The following AGBL1 variants were observed in gnomAD, a reference collection of about 807,000 sequenced individuals.
AGBL1 encodes cytosolic carboxypeptidase 4.
A neutral mutation model predicts 118.9 loss-of-function variants in AGBL1; 130 were observed. The observed-to-expected ratio is 1.09, with a 90% CI of 0.95 to 1.26. The LOEUF (loss-of-function observed/expected upper bound fraction) is 1.26, where lower values mean the gene tolerates loss of function less well. AGBL1 is among the 50% of genes most tolerant of loss of function. The pLI is 0.00. For missense variants in AGBL1, 1,584 were observed against 1,298.1 expected, an observed-to-expected ratio of 1.22 and a Z score of -3.38; for synonymous variants, 555 against 478.9, an observed-to-expected ratio of 1.16 and a Z score of -2.08.
At position 86,320,769 on chromosome 15, in the gene AGBL1, G is replaced by A. The variant is rs181490876; in HGVS notation, c.2374+25361G>A. 2.1e-3 allele frequency among the ~76,000 whole-genome samples: 320 copies of A among 151,880 alleles called. 1 individual carries two copies. Among genetic ancestry groups the A allele is most frequent in the Admixed American group, 8.5e-3 (129 of 15,230 alleles). The stretch of plus-strand genomic sequence containing the variant: ...TATTCATTTATGAGGTTAAGGATGT[G>A]TCTTTCTATTCCCCACTTGCTATAA... On this transcript the variant is annotated intron_variant, in intron 17 of 22. Coordinates refer to ENST00000614907, the MANE Select transcript of AGBL1 (RefSeq NM_001386094.1).
rs776179682 is a variant in AGBL1 at position 86,554,378 on chromosome 15, T to C, written c.2835T>C (p.Leu945=). The change falls in exon 21 of 23, where the codon CTT becomes CTC. Residue 945 remains leucine (L), a synonymous_variant. Coordinates refer to ENST00000614907, the MANE Select transcript of AGBL1 (RefSeq NM_001386094.1). ...TACTGTAGACTCTTCCCAAAATCCT[T>C]GATAAGCTAGCACCAGCATTCACAA... ...EVNYRTLPKI[L]DKLAPAFTMS... 1 of 1,582,098 alleles carries C rather than the reference T, an allele frequency of 6.3e-7. No homozygotes were observed. The highest frequency in any genetic ancestry group is 1.7e-4 in the Middle Eastern group (1 of 6,002).
At chr15:86,145,994 C>G (rs1200525674) in intron 3 of AGBL1, among the ~76,000 whole-genome samples, 1 of 152,118 alleles carries the variant, frequency 6.6e-6, no homozygotes, top group African/African-American at 2.4e-5. Flanking sequence ...AGGTGGACTC[C>G]AGGAAAGGAC....
rs140149966 is a variant in AGBL1 at position 86,539,836 on chromosome 15, C to A, written c.2686-6166C>A. ...AATGCTGCCCCCTGGAAGTGTGCAA[C>A]TGTTCTTATTGGGTTCCCAGAGAAC... On this transcript the variant is annotated intron_variant, in intron 19 of 22. Coordinates refer to ENST00000614907, the MANE Select transcript of AGBL1 (RefSeq NM_001386094.1). Among the ~76,000 whole-genome samples the A allele has an allele frequency of 7.2e-5, 11 of 152,250 alleles. No homozygotes were observed. In the East Asian group the frequency reaches 2.1e-3, roughly 29 times the overall value.
chr15:86,635,490 T>G (rs899316795), intron 21 of AGBL1, among the ~76,000 whole-genome samples: 2 of 151,754 alleles, frequency 1.3e-5, no homozygotes, highest in African/African-American at 4.8e-5. Flanking sequence ...CTCACTGTTT[T>G]GGCTCTCTGT....
At chr15:86,636,898 A>G (rs2085106603) in intron 21 of AGBL1, among the ~76,000 whole-genome samples, 1 of 151,222 alleles carries the variant, frequency 6.6e-6, no homozygotes, top group African/African-American at 2.4e-5. Context: ...TGCCAATTAT[A>G]TATAGGGCTC....
At chr15:87,017,618 G>T (rs1223381269) in intron 24 of AGBL1, among the ~76,000 whole-genome samples, 3 of 152,022 alleles carry the variant, frequency 2.0e-5, no homozygotes, top group African/African-American at 7.2e-5. Flanking sequence ...TCAGCAAAAA[G>T]ATCCCACAAA....
chr15:86,438,829 T>G (rs1313160776), intron 18 of AGBL1, among the ~76,000 whole-genome samples: 2 of 151,926 alleles, frequency 1.3e-5, no homozygotes, highest in East Asian at 3.9e-4. Context: ...GCCTAGCTAA[T>G]TTTTATATTT....
intron 21 of AGBL1, among the ~76,000 whole-genome samples, chr15:86,624,677 C>A (rs1021254365): frequency 1.3e-5 from 2 of 152,156 alleles, no homozygotes; most frequent in Admixed American, 1.3e-4. Context: ...AGGAGAGCAC[C>A]CTTTCTTCCC....
intron 24 of AGBL1, among the ~76,000 whole-genome samples, chr15:87,023,314 G>T (rs889987800): frequency 6.6e-6 from 1 of 152,028 alleles, no homozygotes; most frequent in Non-Finnish European, 1.5e-5. Context: ...GACAGCAAAA[G>T]TGAGCAGGAG....
chr15:86,974,441 CAT>C lies in AGBL1; in HGVS notation c.3222-13543_3222-13542del, dbSNP rs1256543819. ...ACATATTTTATATATTAAATATAAA[CAT>C]ATTTTATATATTGAATATAAACATA... On this transcript the variant is annotated intron_variant, in intron 23 of 24. Transcript: ENST00000441037. Among the ~76,000 whole-genome samples, 9 of 118,398 alleles carry C rather than the reference CAT, an allele frequency of 7.6e-5. 1 individual carries two copies. The highest frequency in any genetic ancestry group is 1.4e-4 in the African/African-American group (4 of 29,334). 77.7% of individuals were successfully genotyped at this position (118,398 alleles called of 152,430 possible). A position where few individuals can be genotyped will look rare whatever the true frequency, so the allele number is the denominator to read the frequency against.
At chr15:86,827,759 G>T (rs1184043775) in intron 22 of AGBL1, among the ~76,000 whole-genome samples, 1 of 147,368 alleles carries the variant, frequency 6.8e-6, no homozygotes, top group Non-Finnish European at 1.5e-5. Flanking sequence ...CAATTATGTA[G>T]GAGTAGTGGT....
intron 18 of AGBL1, among the ~76,000 whole-genome samples, chr15:86,409,637 C>A (rs1371083578): frequency 1.3e-5 from 2 of 152,098 alleles, no homozygotes; most frequent in Non-Finnish European, 2.9e-5. Flanking sequence ...ATAAATGCTG[C>A]CAAATTCTAA....
intron 2 of AGBL1, among the ~76,000 whole-genome samples, chr15:86,142,455 G>A (rs188580017): frequency 6.6e-5 from 10 of 152,282 alleles, no homozygotes; most frequent in Admixed American, 5.2e-4. Flanking sequence ...TAAGCATCAC[G>A]TTTTCAGAGA....
intron 22 of AGBL1, among the ~76,000 whole-genome samples, chr15:86,753,558 C>T (rs1480616662): frequency 2.0e-5 from 3 of 151,778 alleles, no homozygotes; most frequent in African/African-American, 7.3e-5. Flanking sequence ...CCACCACACC[C>T]GGCTAATTTT....
At chr15:87,009,258 G>C (rs2081534653) in intron 24 of AGBL1, among the ~76,000 whole-genome samples, 1 of 152,140 alleles carries the variant, frequency 6.6e-6, no homozygotes, top group African/African-American at 2.4e-5. Flanking sequence ...ACCTACTCCA[G>C]CCATGACTAA....
chr15:86,105,114 G>A (rs576179387), intron 1 of AGBL1: 3 of 152,324 alleles, frequency 2.0e-5, no homozygotes, highest in South Asian at 4.1e-4. Context: ...TATTCGAAGT[G>A]TAATAATATA....
At chr15:86,461,902 A>G (rs1204238781) in intron 18 of AGBL1, among the ~76,000 whole-genome samples, 1 of 152,178 alleles carries the variant, frequency 6.6e-6, no homozygotes, top group Admixed American at 6.5e-5. Flanking sequence ...CATGGTGGCA[A>G]TCGCATCAAG....
intron 5 of AGBL1, among the ~76,000 whole-genome samples, chr15:86,212,016 G>T (rs918210885): frequency 2.0e-5 from 3 of 152,056 alleles, no homozygotes; most frequent in African/African-American, 7.2e-5. Context: ...TGGAATTCTT[G>T]TTTATTTTCT....
At chr15:86,156,794 C>CTTTTTT (rs773611214) in intron 4 of AGBL1, among the ~76,000 whole-genome samples, 1 of 105,560 alleles carries the variant, frequency 9.5e-6, no homozygotes, top group Non-Finnish European at 2.0e-5. Context: ...TCTTTTCTTT[C>CTTTTTT]TTTTTTTTTT....
Sources: gnomAD v4.1 joint callset for allele counts (sites outside exome capture counted in the v4.1 genomes callset) on GRCh38, gnomAD v4.1.1 for gene constraint, MANE v1.5 for transcripts, NCBI Gene and HGNC (gene_info 2026-07-23, HGNC 2026-07-21) for gene names.